Variants in RBFOX1 observed in about 807,000 individuals in gnomAD.
RBFOX1 encodes RNA binding protein fox-1 homolog 1.
RBFOX1 carries 8 observed loss-of-function variants against 57.7 expected under a neutral mutation model. The ratio of observed to expected loss-of-function variants is 0.14; its 90% CI spans 0.08 to 0.25. The LOEUF (loss-of-function observed/expected upper bound fraction) is 0.25. RBFOX1 is among the 10% of genes least tolerant of loss of function. The pLI is 1.00. For synonymous variants in RBFOX1, 326 were observed against 222.4 expected (o/e 1.47, Z -4.15); for missense variants, 611 against 548.5 (o/e 1.11, Z -1.14).
chr16:5,933,212 G>A (rs1002355817), intron 4 of RBFOX1, among the ~76,000 whole-genome samples: 2 of 152,286 alleles, frequency 1.3e-5, no homozygotes, highest in African/African-American at 4.8e-5. Context: ...TCCGCATGGC[G>A]CCAGGAGCTT....
chr16:7,586,589 T>C (rs1454223895), intron 6 of RBFOX1, among the ~76,000 whole-genome samples: 1 of 152,226 alleles, frequency 6.6e-6, no homozygotes, highest in East Asian at 1.9e-4. Flanking sequence ...TTTGTCTCTA[T>C]TTATAATCTG....
chr16:6,696,011 G>A lies in RBFOX1; in HGVS notation c.-16+41361G>A, dbSNP rs531361565. Among the ~76,000 whole-genome samples, 155 of 152,224 alleles carry A rather than the reference G, an allele frequency of 1.0e-3. 1 individual carries two copies. Among genetic ancestry groups the A allele is most frequent in the Middle Eastern group, 6.8e-3 (2 of 294 alleles). On this transcript the variant is annotated intron_variant, in intron 3 of 15. Transcript: ENST00000550418. ...CACACACTGATCTGATTTCTACAGC[G>A]TATCCACTTAAACTGGCAAAGACGT...
chr16:7,156,162 G>A (rs547710044), intron 4 of RBFOX1, among the ~76,000 whole-genome samples: 1 of 151,738 alleles, frequency 6.6e-6, no homozygotes, highest in South Asian at 2.1e-4. Flanking sequence ...TGACCACTGT[G>A]CCTGGCCGAT....
At chr16:5,865,901 GGAGA>G (rs144864788) in intron 3 of RBFOX1, among the ~76,000 whole-genome samples, 2 of 151,198 alleles carry the variant, frequency 1.3e-5, no homozygotes, top group Admixed American at 6.6e-5. Context: ...GTGTGCAGGA[GGAGA>G]GAGAGAGAGA....
chr16:6,242,344 G>A (rs1269222499), intron 1 of RBFOX1, among the ~76,000 whole-genome samples: 2 of 151,972 alleles, frequency 1.3e-5, no homozygotes, highest in Admixed American at 6.6e-5. Flanking sequence ...TAGGTCTATG[G>A]TCTATTGCAT....
chr16:7,341,914 TC>T (rs2096905449), intron 4 of RBFOX1, among the ~76,000 whole-genome samples: 1 of 151,718 alleles, frequency 6.6e-6, no homozygotes, highest in Non-Finnish European at 1.5e-5. Flanking sequence ...GTAATAGAGT[TC>T]AACACACCCA....
At chr16:7,364,229 G>A (rs966940220) in intron 4 of RBFOX1, among the ~76,000 whole-genome samples, 1 of 152,198 alleles carries the variant, frequency 6.6e-6, no homozygotes, top group Non-Finnish European at 1.5e-5. Flanking sequence ...CGGGCTAGCG[G>A]CTTTCCCATC....
chr16:7,163,004 T>A (rs182120928), intron 4 of RBFOX1, among the ~76,000 whole-genome samples: 88 of 152,312 alleles, frequency 5.8e-4, no homozygotes, highest in Middle Eastern at 3.4e-3. Context: ...TTACATTGCA[T>A]ATAAATGCAG....
At chr16:6,629,031 A>G (rs941984728) in intron 2 of RBFOX1, among the ~76,000 whole-genome samples, 1 of 152,230 alleles carries the variant, frequency 6.6e-6, no homozygotes, top group Non-Finnish European at 1.5e-5. Flanking sequence ...CTCCATCTCA[A>G]AAAAGAAAAA....
rs982851643 is a variant in RBFOX1 at position 6,833,732 on chromosome 16, T to C, written c.-16+179082T>C. Among the ~76,000 whole-genome samples, 18 of 152,166 alleles carry C rather than the reference T, an allele frequency of 1.2e-4. 1 individual carries two copies. The highest frequency in any genetic ancestry group is 5.9e-5 in the Non-Finnish European group (4 of 68,036). ...GAAAGACTCTAGATGCTATGGAATATTAAAACAAAAAGAATTAATTTGGAT... is the reference window on the plus strand; with the variant it reads ...GAAAGACTCTAGATGCTATGGAATACTAAAACAAAAAGAATTAATTTGGAT... On this transcript the variant is annotated intron_variant, in intron 3 of 15. Coordinates refer to ENST00000550418, the MANE Select transcript of RBFOX1 (RefSeq NM_018723.4).
chr16:5,597,502 C>T (rs1031834678), intron 2 of RBFOX1, among the ~76,000 whole-genome samples: 8 of 149,234 alleles, frequency 5.4e-5, no homozygotes, highest in East Asian at 2.0e-4. Context: ...CAGGTTCAAG[C>T]GATTCTCCTC....
intron 3 of RBFOX1, among the ~76,000 whole-genome samples, chr16:6,863,082 G>C (rs7206016): frequency 0.25 from 38,167 of 151,790 alleles, 5,168 homozygotes; most frequent in Admixed American, 0.38. Flanking sequence ...GTATGGTGGA[G>C]AACAGTGGAA....
intron 1 of RBFOX1, among the ~76,000 whole-genome samples, chr16:6,314,895 C>T (rs1294049249): frequency 6.6e-6 from 1 of 152,178 alleles, no homozygotes; most frequent in African/African-American, 2.4e-5. Context: ...AACTATTCTT[C>T]CCAAATCATG....
chr16:7,310,161 G>C (rs1366796650), intron 4 of RBFOX1, among the ~76,000 whole-genome samples: 1 of 152,204 alleles, frequency 6.6e-6, no homozygotes, highest in Non-Finnish European at 1.5e-5. Flanking sequence ...ATACAGGTGA[G>C]CTAGCCAAAT....
At chr16:7,416,552 A>C (rs6500961) in intron 4 of RBFOX1, among the ~76,000 whole-genome samples, 1 of 151,888 alleles carries the variant, frequency 6.6e-6, no homozygotes, top group Non-Finnish European at 1.5e-5. Context: ...GATCGGGGCT[A>C]ATGTAAAAGT....
intron 1 of RBFOX1, among the ~76,000 whole-genome samples, chr16:6,029,642 G>A (rs1438808376): frequency 2.0e-5 from 3 of 151,826 alleles, no homozygotes; most frequent in East Asian, 3.9e-4. Context: ...GCGTGGTGGC[G>A]GGTGCCTGTA....
chr16:6,320,205 C>G (rs2081601798), intron 2 of RBFOX1, among the ~76,000 whole-genome samples: 1 of 152,180 alleles, frequency 6.6e-6, no homozygotes, highest in Non-Finnish European at 1.5e-5. Flanking sequence ...TAACCCTAAT[C>G]AGCTGATGCT....
At chr16:5,434,192 T>C (rs2067841775) in intron 1 of RBFOX1, among the ~76,000 whole-genome samples, 1 of 152,186 alleles carries the variant, frequency 6.6e-6, no homozygotes, top group Non-Finnish European at 1.5e-5. Context: ...AACATTCATT[T>C]GCTGTGCAAA....
In RBFOX1 at chr16:6,786,671, C is replaced by T. The variant is rs955995536; in HGVS notation, c.-16+132021C>T. Among the ~76,000 whole-genome samples the T allele has an allele frequency of 2.6e-5, 4 of 152,260 alleles. No individual in the cohort carries two copies. The South Asian group carries it at 6.2e-4, about 24-fold the overall frequency. On this transcript the variant is annotated intron_variant, in intron 3 of 15. Coordinates refer to ENST00000550418, the MANE Select transcript of RBFOX1 (RefSeq NM_018723.4). ...GTGCGCATTTAGAGGTCAAGTAGGT[C>T]AACAAAGTTCTGTTTTCCCTGAATG...
Sources: allele counts gnomAD v4.1 joint callset (sites outside exome capture counted in the v4.1 genomes callset), GRCh38; gene constraint gnomAD v4.1.1; transcripts MANE v1.5; gene names NCBI Gene and HGNC (gene_info 2026-07-23, HGNC 2026-07-21).